The following CDK13 variants were observed in gnomAD, a reference collection of about 807,000 sequenced individuals.
CDK13 encodes cyclin dependent kinase 13.
In CDK13, 40 loss-of-function variants were observed where a neutral mutation model predicts 137.6. That is an observed-to-expected ratio of 0.29 (90% confidence interval 0.23 to 0.38). CDK13 has a LOEUF of 0.38. CDK13 is among the 10% of genes least tolerant of loss of function. The pLI is 1.00. For missense variants in CDK13, 1,704 were observed against 1,951.8 expected (o/e 0.87, Z 2.39); for synonymous variants, 869 against 760.1 (o/e 1.14, Z -2.36).
At chr7:39,999,657 G>A (rs185981789) in intron 4 of CDK13, among the ~76,000 whole-genome samples, 157 bp downstream of exon 4, 1 of 152,234 alleles carries the variant, frequency 6.6e-6, no homozygotes, top group East Asian at 1.9e-4. Flanking sequence ...TATGCATTTT[G>A]TAAGATATGA....
chr7:40,089,875 T>C (rs1391774708), intron 12 of CDK13, among the ~76,000 whole-genome samples: 2 of 152,118 alleles, frequency 1.3e-5, no homozygotes, highest in African/African-American at 2.4e-5. Flanking sequence ...TTTTGGTGGT[T>C]GAAGATAAAT....
chr7:40,066,707 A>G (rs917564832), intron 9 of CDK13: 1 of 152,250 alleles, frequency 6.6e-6, no homozygotes, highest in African/African-American at 2.4e-5. Context: ...ATTTAAAGAA[A>G]TCAAAACTAA....
intron 5 of CDK13, among the ~76,000 whole-genome samples, chr7:40,029,593 G>A (rs138256620): frequency 3.3e-5 from 5 of 151,852 alleles, no homozygotes; most frequent in African/African-American, 9.7e-5. Context: ...GATGGCGCGC[G>A]CCTGTAGTTT....
intron 5 of CDK13, 180 bp downstream of exon 5, chr7:40,002,211 G>A (rs1784698093): frequency 2.2e-6 from 1 of 453,688 alleles, no homozygotes; most frequent in Non-Finnish European, 3.9e-6. Flanking sequence ...TGGTTTTTGA[G>A]TAAACTTCGT....
intron 1 of CDK13, among the ~76,000 whole-genome samples, chr7:39,964,099 G>C (rs1467116472): frequency 2.6e-5 from 4 of 152,134 alleles, no homozygotes; most frequent in Non-Finnish European, 5.9e-5. Context: ...TTGTGTCTCT[G>C]CCTGGCTTTG....
chr7:39,992,633 TATC>T (rs1227037667), intron 2 of CDK13, among the ~76,000 whole-genome samples: 1 of 151,730 alleles, frequency 6.6e-6, no homozygotes, highest in Non-Finnish European at 1.5e-5. Flanking sequence ...TAAATAATAA[TATC>T]ATCCACTATA....
In CDK13 at chr7:39,951,519, A is replaced by G. The variant is rs1367788927; in HGVS notation, c.878A>G (p.Tyr293Cys). The G allele has an allele frequency of 6.5e-7, 1 of 1,535,538 alleles. No homozygotes were observed. The highest frequency in any genetic ancestry group is 8.7e-7 in the Non-Finnish European group (1 of 1,143,294). Reference protein sequence around the residue: ...TKSSKEPPSAYKEPPKAYRED... With the variant: ...TKSSKEPPSACKEPPKAYRED... ...TCGTCCAAGGAGCCGCCTTCGGCCTACAAGGAACCGCCCAAGGCCTACCGG... is the reference window on the plus strand; with the variant it reads ...TCGTCCAAGGAGCCGCCTTCGGCCTGCAAGGAACCGCCCAAGGCCTACCGG... Residue 293 changes from tyrosine to cysteine, a missense_variant, in exon 1 of 14, where the codon TAC (tyrosine) becomes TGC (cysteine). Transcript: ENST00000181839.
intron 5 of CDK13, among the ~76,000 whole-genome samples, chr7:40,012,733 G>A (rs1478695928): frequency 6.6e-6 from 1 of 152,030 alleles, no homozygotes; most frequent in Non-Finnish European, 1.5e-5. Flanking sequence ...CCAAAATGGT[G>A]CAACCCCGTC....
At chr7:40,043,874 G>A (rs1785672819) in intron 5 of CDK13, among the ~76,000 whole-genome samples, 3 of 150,316 alleles carry the variant, frequency 2.0e-5, no homozygotes, top group South Asian at 2.1e-4. Context: ...TTACAATTTG[G>A]TGTTTATTAA....
chr7:40,098,406 G>T lies in CDK13; in HGVS notation c.*3426G>T, dbSNP rs1226843540. 6.6e-6 allele frequency: 1 copy of T among 151,386 alleles called. No homozygotes were observed. Among genetic ancestry groups the T allele is most frequent in the Non-Finnish European group, 1.5e-5 (1 of 67,852 alleles). 9.4% of individuals were successfully genotyped at this position (151,386 alleles called of 1,614,324 possible). Reference sequence around the variant, plus strand: ...ATTTTTTCTTTTTTTAGGGGAAGGGGACTTGCTTTCTTTTCCAAAAAGGTG... The same window carrying T: ...ATTTTTTCTTTTTTTAGGGGAAGGGTACTTGCTTTCTTTTCCAAAAAGGTG... On this transcript the variant is annotated 3_prime_UTR_variant, in exon 14 of 14. Coordinates refer to ENST00000181839, the MANE Select transcript of CDK13 (RefSeq NM_003718.5).
intron 6 of CDK13, among the ~76,000 whole-genome samples, 163 bp from the exon 7 acceptor site, chr7:40,047,658 A>G (rs1215937794): frequency 6.6e-6 from 1 of 151,646 alleles, no homozygotes; most frequent in Admixed American, 6.6e-5. Flanking sequence ...TTTATCCACT[A>G]CTTGCCTTTC....
chr7:39,968,056 A>G lies in CDK13; in HGVS notation c.1211+16204A>G, dbSNP rs377215818. On this transcript the variant is annotated intron_variant, in intron 1 of 13. Transcript: ENST00000181839. ...GTATTCCCTCTTTTGAGGAATGTCT[A>G]TTTAGGTCCTTTGCCCGTTTTTGAA... is the stretch of plus-strand genomic sequence containing the variant. 7.6e-4 allele frequency among the ~76,000 whole-genome samples: 115 copies of G among 152,270 alleles called. 1 individual carries two copies. In the South Asian group the frequency reaches 0.022, roughly 29 times the overall value.
At chr7:40,072,544 C>T (rs1786445796) in intron 9 of CDK13, 1 of 152,172 alleles carries the variant, frequency 6.6e-6, no homozygotes, top group Non-Finnish European at 1.5e-5. Flanking sequence ...TGTTAAGGTG[C>T]TGGTAGTTTT....
chr7:40,003,188 ACACACACACACACACACACTCT>A (rs1219086231), intron 5 of CDK13, among the ~76,000 whole-genome samples: 5 of 97,266 alleles, frequency 5.1e-5, no homozygotes, highest in South Asian at 3.3e-4. Context: ...ACACACACAC[ACACACACACACACACACACTCT>A]CTCTCTCTCT....
At chr7:39,958,984 T>C (rs1787516409) in intron 1 of CDK13, among the ~76,000 whole-genome samples, 1 of 152,140 alleles carries the variant, frequency 6.6e-6, no homozygotes, top group Non-Finnish European at 1.5e-5. Context: ...AGAGATGGGG[T>C]TTTGCCATGT....
At chr7:40,066,955 T>C (rs2150529228) in intron 9 of CDK13, 1 of 152,354 alleles carries the variant, frequency 6.6e-6, no homozygotes, top group South Asian at 2.1e-4. Flanking sequence ...TAACCCATTT[T>C]TTTTTTGTTA....
chr7:40,054,336 A>G (rs775976031), intron 7 of CDK13, among the ~76,000 whole-genome samples: 4 of 152,212 alleles, frequency 2.6e-5, no homozygotes, highest in Non-Finnish European at 5.9e-5. Flanking sequence ...CTCTTGAAAT[A>G]TCTAATGAGA....
chr7:40,048,405 G>A (rs2150517460), intron 7 of CDK13: 1 of 152,110 alleles, frequency 6.6e-6, no homozygotes, highest in South Asian at 2.1e-4. Flanking sequence ...GTGCCTGGTG[G>A]TAGTGAAATA....
At position 40,088,425 on chromosome 7, in the gene CDK13, A is replaced by G. The variant is rs2150544520; in HGVS notation, c.3235+94A>G. On this transcript the variant is annotated intron_variant, in intron 12 of 13. Transcript: ENST00000181839. Reference sequence around the variant, plus strand: ...AATGTTAAAGCATCTTGTGGCTAACAATGAAAATTAACATTTATTCACTGA... The same window carrying G: ...AATGTTAAAGCATCTTGTGGCTAACGATGAAAATTAACATTTATTCACTGA... 8.1e-6 allele frequency: 8 copies of G among 986,226 alleles called. No homozygotes were observed. The South Asian group carries it at 1.3e-4, about 16-fold the overall frequency. The allele number at this position is 986,226 out of a possible 1,614,324, so 61.1% of individuals were successfully genotyped here.
Sources: allele counts gnomAD v4.1 joint callset (sites outside exome capture counted in the v4.1 genomes callset), GRCh38; gene constraint gnomAD v4.1.1; transcripts MANE v1.5; gene names NCBI Gene and HGNC (gene_info 2026-07-23, HGNC 2026-07-21).